OXR1: variants seen among roughly 807,000 people sequenced by gnomAD.
OXR1 encodes the protein oxidation resistance protein 1.
Under a neutral mutation model 104.6 loss-of-function variants are expected in OXR1, and 41 were observed. The observed-to-expected ratio is 0.39, with a 90% confidence interval of 0.31 to 0.51. The LOEUF (loss-of-function observed/expected upper bound fraction) is 0.51. OXR1 is among the 20% of genes least tolerant of loss of function. The pLI is 0.77. For missense variants in OXR1, 955 were observed against 1,031.9 expected, an observed-to-expected ratio of 0.93 and a Z score of 1.02; for synonymous variants, 348 against 348.4, an observed-to-expected ratio of 1.00 and a Z score of 0.01.
chr8:106,390,886 T>C (rs947146292), intron 2 of OXR1, among the ~76,000 whole-genome samples: 1 of 152,152 alleles, frequency 6.6e-6, no homozygotes, highest in Non-Finnish European at 1.5e-5. Context: ...GAAATTTTAA[T>C]TTGCTCTTTG....
chr8:106,387,204 A>G (rs994597110), intron 2 of OXR1, among the ~76,000 whole-genome samples: 1 of 152,266 alleles, frequency 6.6e-6, no homozygotes, highest in African/African-American at 2.4e-5. Context: ...TTGAAGATTA[A>G]TTATCCTTGA....
At chr8:106,340,271 C>T (rs1815189554) in intron 1 of OXR1, among the ~76,000 whole-genome samples, 1 of 151,436 alleles carries the variant, frequency 6.6e-6, no homozygotes, top group African/African-American at 2.4e-5. Flanking sequence ...AATGACCTGC[C>T]ACCCTAAGTC....
chr8:106,462,428 A>G (rs530671033), intron 2 of OXR1, among the ~76,000 whole-genome samples: 26 of 152,220 alleles, frequency 1.7e-4, no homozygotes, highest in Non-Finnish European at 2.6e-4. Flanking sequence ...CCATTCATAT[A>G]CTCTACAATT....
At chr8:106,533,383 A>C (rs1814234058) in intron 3 of OXR1, among the ~76,000 whole-genome samples, 1 of 152,224 alleles carries the variant, frequency 6.6e-6, no homozygotes, top group Admixed American at 6.5e-5. Flanking sequence ...GGACCTTGAC[A>C]TCCTGGAATT....
rs116592316 is a variant in OXR1, at chr8:106,511,446, T to C, written c.24-7497T>C. Among the ~76,000 whole-genome samples, 1,074 of 152,226 alleles carry C rather than the reference T, an allele frequency of 7.1e-3. 16 individuals carry two copies. The highest frequency in any genetic ancestry group is 0.024 in the African/African-American group (1,016 of 41,506). On this transcript the variant is annotated intron_variant, in intron 2 of 16. Transcript: ENST00000517566. ...AACAAGATGTGCAAACCACAGATGG[T>C]CTTCTTGCTGGAAATTACTGGAAAG...
intron 13 of OXR1, 99 bp from the exon 14 acceptor site, chr8:106,740,244 C>A (rs1006630151): frequency 1.9e-5 from 14 of 746,582 alleles, no homozygotes; most frequent in Admixed American, 8.2e-5. Flanking sequence ...ATTTTTATAG[C>A]CTATATTATA....
chr8:106,418,727 G>A (rs1818784315), intron 2 of OXR1, among the ~76,000 whole-genome samples: 2 of 152,074 alleles, frequency 1.3e-5, no homozygotes, highest in Middle Eastern at 3.2e-3. Flanking sequence ...ACTTAGATGG[G>A]TTAATAGATA....
At chr8:106,589,963 G>A (rs777846356) in intron 3 of OXR1, among the ~76,000 whole-genome samples, 6 of 152,074 alleles carry the variant, frequency 3.9e-5, no homozygotes, top group Non-Finnish European at 7.4e-5. Flanking sequence ...CACCATGCCC[G>A]GCCAGCTACT....
chr8:106,441,187 C>CT (rs1447137821), intron 2 of OXR1, among the ~76,000 whole-genome samples: 3 of 152,054 alleles, frequency 2.0e-5, no homozygotes, highest in Non-Finnish European at 4.4e-5. Flanking sequence ...TTCCCCATTG[C>CT]TTGTTTTTGT....
chr8:106,649,554 T>TG (rs1264569344), intron 3 of OXR1, among the ~76,000 whole-genome samples: 2 of 148,360 alleles, frequency 1.3e-5, no homozygotes, highest in African/African-American at 4.9e-5. Flanking sequence ...TCTACTTTTT[T>TG]GGAAAAAAAA....
chr8:106,303,358 A>C (rs536234721), intron 1 of OXR1, among the ~76,000 whole-genome samples: 1 of 142,034 alleles, frequency 7.0e-6, no homozygotes, highest in African/African-American at 2.7e-5. Context: ...GGGTCACACC[A>C]TTCTCCTGCC....
chr8:106,512,440 A>C (rs145391871), intron 2 of OXR1, among the ~76,000 whole-genome samples: 2 of 145,616 alleles, frequency 1.4e-5, no homozygotes, highest in East Asian at 4.0e-4. Flanking sequence ...GACTATAATA[A>C]GTGGATAGAA....
At chr8:106,604,328 C>T (rs755259892) in intron 3 of OXR1, among the ~76,000 whole-genome samples, 2 of 152,122 alleles carry the variant, frequency 1.3e-5, no homozygotes, top group African/African-American at 2.4e-5. Flanking sequence ...GGGGTCTTGG[C>T]TTTCACAGGG....
intron 11 of OXR1, among the ~76,000 whole-genome samples, chr8:106,725,359 C>T (rs28924672): frequency 0.028 from 4,263 of 152,136 alleles, 207 homozygotes; most frequent in African/African-American, 0.098. Context: ...GTGGAAGGAG[C>T]TGCTTTACCT....
chr8:106,512,660 T>C (rs1812612991), intron 2 of OXR1, among the ~76,000 whole-genome samples: 1 of 151,968 alleles, frequency 6.6e-6, no homozygotes, highest in South Asian at 2.1e-4. Flanking sequence ...TTAGACCAGA[T>C]TACAAAACTA....
At chr8:106,511,489 C>T (rs767534822) in intron 2 of OXR1, among the ~76,000 whole-genome samples, 1 of 152,088 alleles carries the variant, frequency 6.6e-6, no homozygotes, top group Non-Finnish European at 1.5e-5. Flanking sequence ...AGTGTTCGGC[C>T]TTTGGGGCAC....
chr8:106,355,487 A>AT, intron 1 of OXR1, among the ~76,000 whole-genome samples: 1 of 152,248 alleles, frequency 6.6e-6, no homozygotes, highest in Middle Eastern at 3.4e-3. Context: ...AGGCTTTTTA[A>AT]TTTTTTTCAA....
At chr8:106,602,056 G>A (rs1438016699) in intron 3 of OXR1, among the ~76,000 whole-genome samples, 4 of 152,144 alleles carry the variant, frequency 2.6e-5, no homozygotes, top group African/African-American at 9.7e-5. Context: ...AAGGAAATGT[G>A]TTATGACGCC....
chr8:106,455,995 A>G (rs1467091246), intron 2 of OXR1, among the ~76,000 whole-genome samples: 2 of 152,234 alleles, frequency 1.3e-5, no homozygotes, highest in African/African-American at 4.8e-5. Context: ...TAAATTCTGT[A>G]AACTTAATGA....
Sources: allele counts gnomAD v4.1 joint callset (sites outside exome capture counted in the v4.1 genomes callset), GRCh38; gene constraint gnomAD v4.1.1; transcripts MANE v1.5; gene names NCBI Gene and HGNC (gene_info 2026-07-23, HGNC 2026-07-21).